The following FCRL3 variants were observed in gnomAD, a reference collection of about 807,000 sequenced individuals.
The protein encoded by FCRL3 is Fc receptor like 3.
A neutral mutation model predicts 75.0 loss-of-function variants in FCRL3; 89 were observed. That is an observed-to-expected ratio of 1.19 (90% confidence interval 1.00 to 1.42). FCRL3 has a LOEUF of 1.42. Ranked by LOEUF, FCRL3 falls within the 40% of genes most tolerant of loss-of-function variation. The probability of loss-of-function intolerance (pLI) is 0.00; values close to 1 mark genes in which losing one functional copy is unlikely to be tolerated. For synonymous variants in FCRL3, 376 were observed against 348.5 expected (o/e 1.08, Z -0.88); for missense variants, 946 against 880.0 (o/e 1.07, Z -0.95).
At position 157,700,446 on chromosome 1, in the gene FCRL3, C is replaced by T. The variant is rs376852410; in HGVS notation, c.31+13G>A. The T allele has an allele frequency of 6.2e-7, 1 of 1,613,940 alleles. No homozygotes were observed. The highest frequency in any genetic ancestry group is 1.1e-5 in the South Asian group (1 of 91,068). On this transcript the variant is annotated intron_variant, in intron 2 of 14. Coordinates refer to ENST00000368184, the MANE Select transcript of FCRL3 (RefSeq NM_052939.4). Reference sequence around the variant, plus strand: ...AACTGAGGCCGTGGCCCCATTATAGCCCATCTACTCACTCAGGATCAGCAG... The same window carrying T: ...AACTGAGGCCGTGGCCCCATTATAGTCCATCTACTCACTCAGGATCAGCAG...
rs77506973 is a variant in FCRL3 at position 157,683,257 on chromosome 1, C to G, written c.1811-13G>C. 1.3e-3 allele frequency: 2,080 copies of G among 1,613,306 alleles called. 24 individuals are homozygous for G. The African/African-American group carries it at 0.023, about 18-fold the overall frequency. ...GCAGAAAGTCCTCCTGCAAAACAAACAAAGGAAGGTTGGTGGTAAGTGAGC... is the reference window on the plus strand; with the variant it reads ...GCAGAAAGTCCTCCTGCAAAACAAAGAAAGGAAGGTTGGTGGTAAGTGAGC... On this transcript the variant is annotated splice_polypyrimidine_tract_variant and intron_variant, in intron 10 of 14. Transcript: ENST00000368184.
chr1:157,696,292 G>A lies in FCRL3; in HGVS notation c.880C>T (p.Pro294Ser), dbSNP rs781069840. Residue 294 changes from proline to serine, a missense_variant, in exon 7 of 15, where the codon CCC becomes TCC. By Grantham distance (74) the Pro-to-Ser change is moderately conservative (BLOSUM62 -1). Coordinates refer to ENST00000368184, the MANE Select transcript of FCRL3 (RefSeq NM_052939.4). ...CCTTCAATCAGCTGCCCTCCGGTGG[G>A]CCGGATCTCTAGATTCACATTAGAC... The part of the protein sequence containing the change: ...PVSNVNLEIR[P>S]TGGQLIEGEN... 11 of 1,613,938 alleles carry A rather than the reference G, an allele frequency of 6.8e-6. No individual in the cohort carries two copies. In the Admixed American group the frequency reaches 1.8e-4, roughly 27 times the overall value.
chr1:157,683,167 A>G (rs370521737), intron 11 of FCRL3, 50 bp downstream of exon 11: 20 of 1,594,204 alleles, frequency 1.3e-5, no homozygotes, highest in Non-Finnish European at 1.6e-5. Context: ...AGTCTCGTGC[A>G]TATAAATAAA....
intron 9 of FCRL3, 108 bp downstream of exon 9, chr1:157,690,147 G>A (rs1210305379): frequency 2.1e-6 from 3 of 1,443,234 alleles, no homozygotes; most frequent in South Asian, 1.4e-5. Context: ...CCAAGCCTTC[G>A]TGTGCATGTT....
In FCRL3 at chr1:157,696,030, C is replaced by T. The variant is rs375355913; in HGVS notation, c.1132+10G>A. On this transcript the variant is annotated intron_variant, in intron 7 of 14. Transcript: ENST00000368184. ...CAACTCGAGGCTGTGTGAAAGGAAT[C>T]GGAACTTACTTCTCACGGTGACTCG... 1.7e-5 allele frequency: 28 copies of T among 1,600,390 alleles called. No individual in the cohort carries two copies. Among genetic ancestry groups the T allele is most frequent in the Middle Eastern group, 2.2e-4 (1 of 4,600 alleles).
At chr1:157,680,176 G>T (rs1463719444) in intron 13 of FCRL3, among the ~76,000 whole-genome samples, 1 of 152,144 alleles carries the variant, frequency 6.6e-6, no homozygotes, top group Non-Finnish European at 1.5e-5. Flanking sequence ...GTTCAGTATG[G>T]CTAGAGGAAG....
intron 6 of FCRL3, chr1:157,696,649 G>T: frequency 3.0e-6 from 1 of 337,680 alleles, no homozygotes. Flanking sequence ...AGAGAACACT[G>T]GAGATCCTCT....
Position 157,697,676 on chromosome 1 carries a change from A to C in FCRL3, c.542T>G (p.Leu181Arg), listed in dbSNP as rs900189592. 3.1e-6 allele frequency: 5 copies of C among 1,613,430 alleles called. No individual in the cohort carries two copies. Among genetic ancestry groups the C allele is most frequent in the Non-Finnish European group, 3.4e-6 (4 of 1,179,830 alleles). The change falls in exon 5 of 15, where the codon CTA becomes CGA. Residue 181 changes from leucine to arginine, a missense_variant. Transcript: ENST00000368184. ...ILDIEVTSKPLNIQVQELFLH... is the reference protein window; with the variant it reads ...ILDIEVTSKPRNIQVQELFLH... ...GCCATTACCTTGAACTTGGATATTT[A>C]GGGGTTTTGAAGTTACTTCAATGTC...
At chr1:157,688,674 T>C (rs779597099) in intron 10 of FCRL3, among the ~76,000 whole-genome samples, 13 of 149,902 alleles carry the variant, frequency 8.7e-5, no homozygotes, top group Non-Finnish European at 1.6e-4. Context: ...AATATGGCTA[T>C]ATAAAAAGGA....
chr1:157,686,492 G>A (rs1655185453), intron 10 of FCRL3, among the ~76,000 whole-genome samples: 1 of 152,056 alleles, frequency 6.6e-6, no homozygotes, highest in Non-Finnish European at 1.5e-5. Flanking sequence ...GCATTCCTAA[G>A]CAAAGACAGC....
intron 10 of FCRL3, among the ~76,000 whole-genome samples, chr1:157,686,841 G>A (rs1251815967): frequency 4.6e-5 from 7 of 151,938 alleles, no homozygotes; most frequent in Non-Finnish European, 8.8e-5. Context: ...AATTCCTAGA[G>A]GAAAACCTAG....
At position 157,676,872 on chromosome 1, in the gene FCRL3, G is replaced by A. The variant is rs1179310490; in HGVS notation, c.*1838C>T. Reference sequence around the variant, plus strand: ...AAGGTAATTCCAAATCAGCAGCAGGGTTAGAAAGGAGGAGAGCCTCCATAT... The same window carrying A: ...AAGGTAATTCCAAATCAGCAGCAGGATTAGAAAGGAGGAGAGCCTCCATAT... On this transcript the variant is annotated 3_prime_UTR_variant, in exon 15 of 15. Transcript: ENST00000368184. 3 of 1,521,486 alleles carry A rather than the reference G, an allele frequency of 2.0e-6. No homozygotes were observed. Among genetic ancestry groups the A allele is most frequent in the Non-Finnish European group, 2.6e-6 (3 of 1,135,058 alleles). 94.2% of individuals were successfully genotyped at this position (1,521,486 alleles called of 1,614,324 possible). A position where few individuals can be genotyped will look rare whatever the true frequency, so the allele number is the denominator to read the frequency against.
chr1:157,698,181 C>T (rs903339832), intron 4 of FCRL3, among the ~76,000 whole-genome samples: 1 of 152,256 alleles, frequency 6.6e-6, no homozygotes, highest in African/African-American at 2.4e-5. Flanking sequence ...CTGATGGCCC[C>T]TGGGTCACCC....
At position 157,676,732 on chromosome 1, in the gene FCRL3, G is replaced by A. The variant is rs1413725161; in HGVS notation, c.*1978C>T. The A allele has an allele frequency of 6.4e-7, 1 of 1,550,414 alleles. No homozygotes were observed. On this transcript the variant is annotated 3_prime_UTR_variant, in exon 15 of 15. Transcript: ENST00000368184. ...CAGGGCTAAGTGTTACAAAGACATGGAAAATCTTGAACTTTGTTCTTTCTT... is the reference window on the plus strand; with the variant it reads ...CAGGGCTAAGTGTTACAAAGACATGAAAAATCTTGAACTTTGTTCTTTCTT...
chr1:157,690,881 T>C (rs987591447), intron 8 of FCRL3, among the ~76,000 whole-genome samples: 19 of 152,168 alleles, frequency 1.2e-4, no homozygotes, highest in African/African-American at 4.6e-4. Flanking sequence ...TTCCTACACC[T>C]GAATCTTAGC....
intron 10 of FCRL3, among the ~76,000 whole-genome samples, chr1:157,685,099 A>C (rs750498335): frequency 1.3e-5 from 2 of 152,012 alleles, no homozygotes; most frequent in Non-Finnish European, 2.9e-5. Context: ...GATCATGTGA[A>C]ATGATTGTCA....
chr1:157,679,066 T>C (rs1654650997), intron 13 of FCRL3, 93 bp from the exon 14 acceptor site: 12 of 1,369,454 alleles, frequency 8.8e-6, no homozygotes, highest in Admixed American at 3.4e-5. Context: ...ACCAATCTTC[T>C]TGATTTGCTT....
Position 157,694,115 on chromosome 1 carries a change from A to G in FCRL3, c.1411+1214T>C, listed in dbSNP as rs151278602. ...GCCCATTAAGTTAATACAGTAGTAC[A>G]TGTATATAATTAACACACAAATATA... On this transcript the variant is annotated intron_variant, in intron 8 of 14. Coordinates refer to ENST00000368184, the MANE Select transcript of FCRL3 (RefSeq NM_052939.4). Among the ~76,000 whole-genome samples the G allele has an allele frequency of 7.2e-5, 11 of 152,280 alleles. No homozygotes were observed. In the East Asian group the frequency reaches 2.1e-3, roughly 29 times the overall value.
intron 6 of FCRL3, chr1:157,696,654 T>G: frequency 3.0e-6 from 1 of 328,066 alleles, no homozygotes; most frequent in Non-Finnish European, 5.6e-6. Context: ...ACACTGGAGA[T>G]CCTCTGTTTT....
Sources: allele counts gnomAD v4.1 joint callset (sites outside exome capture counted in the v4.1 genomes callset), GRCh38; gene constraint gnomAD v4.1.1; transcripts MANE v1.5; gene names NCBI Gene and HGNC (gene_info 2026-07-23, HGNC 2026-07-21).